Variants in PLEKHG3 observed in about 807,000 individuals in gnomAD.
PLEKHG3 encodes pleckstrin homology domain-containing family G member 3.
A neutral mutation model predicts 94.9 loss-of-function variants in PLEKHG3; 62 were observed. The observed-to-expected ratio is 0.65, with a 90% CI of 0.53 to 0.81. PLEKHG3 has a LOEUF of 0.81. Ranked by LOEUF, PLEKHG3 falls within the 30% of genes least tolerant of loss-of-function variation. The probability of loss-of-function intolerance (pLI) is 0.00; values close to 1 mark genes in which losing one functional copy is unlikely to be tolerated. For missense variants in PLEKHG3, 1,461 were observed against 1,619.3 expected (o/e 0.90, Z 1.68); for synonymous variants, 614 against 654.0 (o/e 0.94, Z 0.93).
intron 3 of PLEKHG3, among the ~76,000 whole-genome samples, chr14:64,729,374 TCTTCCCTGTGGAAGAGAAC>T (rs111773805): frequency 6.2e-4 from 95 of 152,340 alleles, no homozygotes; most frequent in Middle Eastern, 3.4e-3. Context: ...ACACTGGTTC[TCTTCCCTGTGGAAGAGAAC>T]CTTCCCTGTC....
Position 64,716,520 on chromosome 14 carries a change from C to CACAT in PLEKHG3, c.-39-11070_-39-11069insTACA, listed in dbSNP as rs2081164728. ...CAACACACACACACACACACACACACACACACACACACACACACACACACA... is the reference window on the plus strand; with the variant it reads ...CAACACACACACACACACACACACACACATACACACACACACACACACACACACA... On this transcript the variant is annotated intron_variant, in intron 1 of 16. Coordinates refer to ENST00000247226, the MANE Select transcript of PLEKHG3 (RefSeq NM_001308147.2). This position sits in a 1 kb window ranked among gnomAD's most constrained non-coding sequence, Gnocchi z 5.0. Among the ~76,000 whole-genome samples the CACAT allele has an allele frequency of 1.4e-5, 2 of 144,480 alleles. No individual in the cohort carries two copies. Among genetic ancestry groups the CACAT allele is most frequent in the Non-Finnish European group, 3.0e-5 (2 of 66,256 alleles). 94.8% of individuals were successfully genotyped at this position (144,480 alleles called of 152,430 possible).
Position 64,731,780 on chromosome 14 carries a change from C to T in PLEKHG3, c.1099C>T (p.His367Tyr), listed in dbSNP as rs147095761. ...GTGCTTCACTGTCACCCACTACAAG[C>T]ACAGCAAGCAGCAGTACAGCATCCA... ...SLCFTVTHYK[H>Y]SKQQYSIQAK... The change falls in exon 9 of 17, where the codon CAC becomes TAC. Residue 367 changes from histidine to tyrosine, a missense_variant. His to Tyr is a moderately conservative substitution (Grantham distance 83, BLOSUM62 2). Transcript: ENST00000247226. The surrounding 1 kb of genome is among the most constrained non-coding windows in gnomAD (Gnocchi z 6.1). The T allele has an allele frequency of 2.5e-6, 4 of 1,613,318 alleles. No homozygotes were observed. The highest frequency in any genetic ancestry group is 3.4e-6 in the Non-Finnish European group (4 of 1,179,534).
At position 64,726,898 on chromosome 14, in the gene PLEKHG3, C is replaced by G. The variant is rs1223023357; in HGVS notation, c.-39-695C>G. Among the ~76,000 whole-genome samples the G allele has an allele frequency of 6.6e-6, 1 of 152,134 alleles. No individual in the cohort carries two copies. The highest frequency in any genetic ancestry group is 1.5e-5 in the Non-Finnish European group (1 of 68,014). On this transcript the variant is annotated intron_variant, in intron 1 of 16. Transcript: ENST00000247226. The surrounding 1 kb of genome is among the most constrained non-coding windows in gnomAD (Gnocchi z 5.1). Reference sequence around the variant, plus strand: ...TTGCAGTCTTAGGGAGAATATTACCCCTGTTATGTGTCTTGTCTTAACATT... The same window carrying G: ...TTGCAGTCTTAGGGAGAATATTACCGCTGTTATGTGTCTTGTCTTAACATT...
At chr14:64,737,100 T>C (rs1229696793) in intron 13 of PLEKHG3, 1 of 651,000 alleles carries the variant, frequency 1.5e-6, no homozygotes, top group African/African-American at 1.8e-5. Context: ...ACAGGCCTCA[T>C]GCCCTTTCCT....
At chr14:64,737,807 A>T (rs1373156507) in intron 14 of PLEKHG3, 3 of 948,158 alleles carry the variant, frequency 3.2e-6, no homozygotes, top group Non-Finnish European at 4.1e-6. Context: ...TGCCTGCAGG[A>T]GGACGGGAGG....
In PLEKHG3 at chr14:64,728,698, T is replaced by G. The variant is rs759465229; in HGVS notation, c.352-298T>G. On this transcript the variant is annotated intron_variant, in intron 2 of 16. Transcript: ENST00000247226. The surrounding 1 kb of genome is among the most constrained non-coding windows in gnomAD (Gnocchi z 5.9). ...TTCCCATCACCTTTTTCTTTGTGTC[T>G]CTCTGTGTCCTCCTTCTCCTCTTAT... Among the ~76,000 whole-genome samples, 1 of 152,160 alleles carries G rather than the reference T, an allele frequency of 6.6e-6. No homozygotes were observed. Among genetic ancestry groups the G allele is most frequent in the Non-Finnish European group, 1.5e-5 (1 of 68,016 alleles).
In PLEKHG3 at chr14:64,730,318, A is replaced by G. The variant is rs1474263118; in HGVS notation, c.519+6A>G. On this transcript the variant is annotated splice_donor_region_variant and intron_variant, in intron 4 of 16. Transcript: ENST00000247226. The surrounding 1 kb of genome is among the most constrained non-coding windows in gnomAD (Gnocchi z 5.4). ...CCAGCTGCTTTGTGGAAAGGGTAAG[A>G]AGGGCTGGGTCCTTGCCTCTGTCCT... The G allele has an allele frequency of 1.3e-6, 2 of 1,522,190 alleles. No homozygotes were observed. The highest frequency in any genetic ancestry group is 4.9e-5 in the East Asian group (2 of 40,834). 94.3% of individuals were successfully genotyped at this position (1,522,190 alleles called of 1,614,324 possible).
intron 1 of PLEKHG3, among the ~76,000 whole-genome samples, chr14:64,710,663 C>T (rs113035976): frequency 3.1e-4 from 47 of 152,102 alleles, no homozygotes; most frequent in African/African-American, 1.1e-3. Context: ...AAGAGCAGAA[C>T]TCTGTCTCAA....
chr14:64,730,498 G>T lies in PLEKHG3; in HGVS notation c.520-144G>T. The T allele has an allele frequency of 1.3e-6, 1 of 761,926 alleles. No homozygotes were observed. Among genetic ancestry groups the T allele is most frequent in the South Asian group, 1.6e-5 (1 of 60,954 alleles). 47.2% of individuals were successfully genotyped at this position (761,926 alleles called of 1,614,324 possible). ...GCTGCTGGGTGGATGGGATGTCCTT[G>T]ACAAATAGGTATAAAGATGGCTCTG... On this transcript the variant is annotated intron_variant, in intron 4 of 16. Coordinates refer to ENST00000247226, the MANE Select transcript of PLEKHG3 (RefSeq NM_001308147.2). This position sits in a 1 kb window ranked among gnomAD's most constrained non-coding sequence, Gnocchi z 5.4.
chr14:64,730,569 G>T lies in PLEKHG3; in HGVS notation c.520-73G>T, dbSNP rs1219531201. ...ACAGAGGGTGCTCTGGGGGCCAGGG[G>T]CCTATCTGCTACCACCATCTTTACT... On this transcript the variant is annotated intron_variant, in intron 4 of 16. Coordinates refer to ENST00000247226, the MANE Select transcript of PLEKHG3 (RefSeq NM_001308147.2). The surrounding 1 kb of genome is among the most constrained non-coding windows in gnomAD (Gnocchi z 5.4). 2 of 1,256,422 alleles carry T rather than the reference G, an allele frequency of 1.6e-6. No individual in the cohort carries two copies. The highest frequency in any genetic ancestry group is 2.3e-5 in the East Asian group (1 of 42,886). 77.8% of individuals were successfully genotyped at this position (1,256,422 alleles called of 1,614,324 possible).
At position 64,718,930 on chromosome 14, in the gene PLEKHG3, C is replaced by T. The variant is rs1480358834; in HGVS notation, c.-39-8663C>T. On this transcript the variant is annotated intron_variant, in intron 1 of 16. Transcript: ENST00000247226. The surrounding 1 kb of genome is among the most constrained non-coding windows in gnomAD (Gnocchi z 5.0). ...TCTGCTCTTGCTCAGGCCTGCGGTG[C>T]CCCCTGGCCCTGTTTCTCTCCAGCT... Among the ~76,000 whole-genome samples, 1 of 152,128 alleles carries T rather than the reference C, an allele frequency of 6.6e-6. No homozygotes were observed. Among genetic ancestry groups the T allele is most frequent in the African/African-American group, 2.4e-5 (1 of 41,400 alleles).
At position 64,738,033 on chromosome 14, in the gene PLEKHG3, G is replaced by A. The variant is rs978333136; in HGVS notation, c.1404+658G>A. The A allele has an allele frequency of 5.4e-6, 7 of 1,290,354 alleles. No individual in the cohort carries two copies. In the African/African-American group the frequency reaches 1.1e-4, roughly 20 times the overall value. The allele number at this position is 1,290,354 out of a possible 1,614,324, so 79.9% of individuals were successfully genotyped here. A position where few individuals can be genotyped will look rare whatever the true frequency, so the allele number is the denominator to read the frequency against. ...GCAGGCCTTTCAGGTCTCTCTGGAG[G>A]ACCTGACAGGGCATGAAGGCAACGA... On this transcript the variant is annotated intron_variant, in intron 14 of 16. Coordinates refer to ENST00000247226, the MANE Select transcript of PLEKHG3 (RefSeq NM_001308147.2). This position sits in a 1 kb window ranked among gnomAD's most constrained non-coding sequence, Gnocchi z 4.8.
chr14:64,706,932 C>T (rs1043635908), intron 1 of PLEKHG3, among the ~76,000 whole-genome samples: 3 of 152,236 alleles, frequency 2.0e-5, no homozygotes, highest in African/African-American at 7.2e-5. Flanking sequence ...AAAAGTGAAG[C>T]CCTCTGGCTA....
In PLEKHG3 at chr14:64,748,262, G is replaced by A. The variant is rs917311823; in HGVS notation, c.*4559G>A. 2 of 151,760 alleles carry A rather than the reference G, an allele frequency of 1.3e-5. No individual in the cohort carries two copies. The highest frequency in any genetic ancestry group is 4.9e-5 in the African/African-American group (2 of 40,998). The allele number at this position is 151,760 out of a possible 1,614,324, so 9.4% of individuals were successfully genotyped here. A position where few individuals can be genotyped will look rare whatever the true frequency, so the allele number is the denominator to read the frequency against. On this transcript the variant is annotated 3_prime_UTR_variant, in exon 17 of 17. Coordinates refer to ENST00000247226, the MANE Select transcript of PLEKHG3 (RefSeq NM_001308147.2). Reference sequence around the variant, plus strand: ...CCTCCAAAGTCCCAGCTGCAGACAGGATGCAATTGAGCATTTGGCTTTGGG... The same window carrying A: ...CCTCCAAAGTCCCAGCTGCAGACAGAATGCAATTGAGCATTTGGCTTTGGG...
Position 64,738,657 on chromosome 14 carries a change from C to A in PLEKHG3, c.1405-85C>A. 1.0e-6 allele frequency: 1 copy of A among 957,362 alleles called. No homozygotes were observed. Among genetic ancestry groups the A allele is most frequent in the Non-Finnish European group, 1.6e-6 (1 of 608,878 alleles). The allele number at this position is 957,362 out of a possible 1,614,324, so 59.3% of individuals were successfully genotyped here. On this transcript the variant is annotated intron_variant, in intron 14 of 16. Coordinates refer to ENST00000247226, the MANE Select transcript of PLEKHG3 (RefSeq NM_001308147.2). This position sits in a 1 kb window ranked among gnomAD's most constrained non-coding sequence, Gnocchi z 4.8. ...CTCAGCTCAGCCCAGCCCCTTGGGG[C>A]GTGGGAGGCACTGCCCGTGTTGGGA...
chr14:64,722,074 T>A lies in PLEKHG3; in HGVS notation c.-39-5519T>A, dbSNP rs1448428763. On this transcript the variant is annotated intron_variant, in intron 1 of 16. Coordinates refer to ENST00000247226, the MANE Select transcript of PLEKHG3 (RefSeq NM_001308147.2). The surrounding 1 kb of genome is among the most constrained non-coding windows in gnomAD (Gnocchi z 4.3). ...TCCGAAAGTGCCGTCTTGGGGATTG[T>A]TTGGGGGAAGGACAAAAGCCGCTGG... 1.3e-5 allele frequency among the ~76,000 whole-genome samples: 2 copies of A among 152,098 alleles called. No homozygotes were observed. The highest frequency in any genetic ancestry group is 4.8e-5 in the African/African-American group (2 of 41,400).
At position 64,732,432 on chromosome 14, in the gene PLEKHG3, G is replaced by A. The variant is rs2081486305; in HGVS notation, c.1218G>A (p.Lys406=). The A allele has an allele frequency of 6.2e-7, 1 of 1,613,716 alleles. No individual in the cohort carries two copies. The change falls in exon 11 of 17, where the codon AAG becomes AAA. Residue 406 remains lysine (K), a synonymous_variant. Coordinates refer to ENST00000247226, the MANE Select transcript of PLEKHG3 (RefSeq NM_001308147.2). This position sits in a 1 kb window ranked among gnomAD's most constrained non-coding sequence, Gnocchi z 4.9. ...NHHATIPQKA[K]EAILEMDSYY... ...TGTGTTTCCTTCCCCTTCAGGCCAA[G>A]GAAGCCATCTTGGAAATGGATTCCT...
Position 64,742,329 on chromosome 14 carries a change from A to G in PLEKHG3, c.2812A>G (p.Lys938Glu), listed in dbSNP as rs769035353. 2 of 1,613,054 alleles carry G rather than the reference A, an allele frequency of 1.2e-6. No individual in the cohort carries two copies. Among genetic ancestry groups the G allele is most frequent in the Non-Finnish European group, 1.7e-6 (2 of 1,180,036 alleles). Residue 938 changes from lysine to glutamate, a missense_variant, in exon 16 of 17, where the codon AAG (lysine) becomes GAG (glutamate). Physicochemically the swap from Lys to Glu is moderately conservative, Grantham distance 56. Around this residue, in one of 3 missense-constraint regions of PLEKHG3, gnomAD observed 1,201 missense variants for 1,295.5 expected, o/e 0.93. Coordinates refer to ENST00000247226, the MANE Select transcript of PLEKHG3 (RefSeq NM_001308147.2). ...GGCCCGCCAGTACAGCCTCCGGATC[A>G]AGAGCAACAAGCCAGTGATGGCCAG... ...QLARQYSLRIKSNKPVMARPP... is the reference protein window; with the variant it reads ...QLARQYSLRIESNKPVMARPP...
chr14:64,713,590 T>G (rs1442167118), intron 1 of PLEKHG3, among the ~76,000 whole-genome samples: 1 of 152,252 alleles, frequency 6.6e-6, no homozygotes, highest in East Asian at 1.9e-4. Context: ...TATCATCCTT[T>G]AAGATATTTT....
Sources: allele counts gnomAD v4.1 joint callset (sites outside exome capture counted in the v4.1 genomes callset), GRCh38; gene constraint gnomAD v4.1.1; regional missense constraint gnomAD v4.1.1; non-coding constraint Gnocchi (gnomAD v3.1); transcripts MANE v1.5; gene names NCBI Gene and HGNC (gene_info 2026-07-23, HGNC 2026-07-21).